Variants in PLD1 observed in about 807,000 individuals in gnomAD.
The protein encoded by PLD1 is choline phosphatase 1.
A neutral mutation model predicts 137.1 loss-of-function variants in PLD1; 112 were observed. That is an observed-to-expected ratio of 0.82 (90% CI 0.70 to 0.96). The LOEUF (loss-of-function observed/expected upper bound fraction) is 0.96, where lower values mean the gene tolerates loss of function less well. PLD1 is among the 40% of genes least tolerant of loss of function. The pLI is 0.00. For synonymous variants in PLD1, 431 were observed against 454.7 expected (o/e 0.95, Z 0.66); for missense variants, 1,321 against 1,342.0 (o/e 0.98, Z 0.24).
chr3:171,743,205 T>C (rs1449035129), intron 1 of PLD1, among the ~76,000 whole-genome samples: 1 of 152,222 alleles, frequency 6.6e-6, no homozygotes, highest in African/African-American at 2.4e-5. Context: ...AAAAATCATC[T>C]TGGTTGCTAG....
At chr3:171,742,352 A>G (rs897484235) in intron 1 of PLD1, among the ~76,000 whole-genome samples, 4 of 152,224 alleles carry the variant, frequency 2.6e-5, no homozygotes, top group African/African-American at 9.6e-5. Context: ...CAGCCTCCAG[A>G]GTAACTAAGA....
chr3:171,797,777 C>T (rs1269544632), intron 1 of PLD1, among the ~76,000 whole-genome samples: 3 of 152,106 alleles, frequency 2.0e-5, no homozygotes, highest in Non-Finnish European at 4.4e-5. Context: ...TTTCAAATTT[C>T]TCACTTGTTT....
chr3:171,765,549 G>A (rs971192920), intron 1 of PLD1: 3 of 152,128 alleles, frequency 2.0e-5, no homozygotes, highest in East Asian at 1.9e-4. Context: ...GTGTGAAAAC[G>A]AGCAGAATAT....
At chr3:171,687,213 C>T (rs916725102) in intron 15 of PLD1, among the ~76,000 whole-genome samples, 158 bp downstream of exon 15, 1 of 152,184 alleles carries the variant, frequency 6.6e-6, no homozygotes, top group Non-Finnish European at 1.5e-5. Flanking sequence ...ACAAAGCCAC[C>T]AAATGGCATG....
intron 25 of PLD1, among the ~76,000 whole-genome samples, chr3:171,608,654 A>G (rs1732402582): frequency 6.6e-6 from 1 of 152,182 alleles, no homozygotes; most frequent in African/African-American, 2.4e-5. Context: ...GGTGGACTGC[A>G]GATAAGAGAG....
At chr3:171,788,101 A>T (rs1723075683) in intron 1 of PLD1, among the ~76,000 whole-genome samples, 1 of 151,762 alleles carries the variant, frequency 6.6e-6, no homozygotes, top group African/African-American at 2.4e-5. Context: ...CAGCTGCTCC[A>T]GAGAATCACT....
At chr3:171,636,157 T>C (rs1164837494) in intron 23 of PLD1, among the ~76,000 whole-genome samples, 4 of 151,964 alleles carry the variant, frequency 2.6e-5, no homozygotes, top group Non-Finnish European at 5.9e-5. Flanking sequence ...AGTCTAACTT[T>C]ATGTCAGTAG....
rs549760462 is a variant in PLD1, at chr3:171,645,614, G to A, written c.2430-591C>T. Among the ~76,000 whole-genome samples the A allele has an allele frequency of 2.0e-5, 3 of 151,908 alleles. No homozygotes were observed. The East Asian group carries it at 5.8e-4, about 30-fold the overall frequency. On this transcript the variant is annotated intron_variant, in intron 21 of 26. Coordinates refer to ENST00000351298, the MANE Select transcript of PLD1 (RefSeq NM_002662.5). ...AATTCTGAGTGGCCGGCCGGGCGTGGTGGCTCATGTCTGTAATCCCAGCAC... is the reference window on the plus strand; with the variant it reads ...AATTCTGAGTGGCCGGCCGGGCGTGATGGCTCATGTCTGTAATCCCAGCAC...
intron 1 of PLD1, among the ~76,000 whole-genome samples, chr3:171,787,660 G>T (rs924272225): frequency 6.6e-6 from 1 of 152,114 alleles, no homozygotes; most frequent in African/African-American, 2.4e-5. Flanking sequence ...TCATGGTATG[G>T]TGTGGTATGT....
intron 24 of PLD1, among the ~76,000 whole-genome samples, chr3:171,613,965 C>CA (rs758647280): frequency 8.0e-4 from 122 of 152,180 alleles, no homozygotes; most frequent in Non-Finnish European, 1.5e-3. Context: ...GCAGAAGGGT[C>CA]AGGTTGAACA....
intron 23 of PLD1, among the ~76,000 whole-genome samples, chr3:171,629,588 C>CAT (rs1734476065): frequency 6.6e-6 from 1 of 152,114 alleles, no homozygotes; most frequent in Non-Finnish European, 1.5e-5. Flanking sequence ...AAGCTGGAGG[C>CAT]ATCATGCTAC....
chr3:171,644,946 C>A lies in PLD1; in HGVS notation c.2507G>T (p.Gly836Val). 6.2e-7 allele frequency: 1 copy of A among 1,613,730 alleles called. No individual in the cohort carries two copies. Among genetic ancestry groups the A allele is most frequent in the East Asian group, 2.2e-5 (1 of 44,882 alleles). ...GTGCATGATTGCCTGTAGAGCATTT[C>A]CTCCGCCGGTTGAAATGTCTCCTTC... ...GFEGDISTGG[G>V]NALQAIMHFN... Residue 836 changes from glycine to valine, a missense_variant, in exon 22 of 27, where the codon GGA (glycine) becomes GTA (valine). By Grantham distance (109) the Gly-to-Val change is moderately radical. Transcript: ENST00000351298.
intron 19 of PLD1, among the ~76,000 whole-genome samples, chr3:171,665,428 G>T (rs954120739): frequency 6.6e-6 from 1 of 152,160 alleles, no homozygotes; most frequent in Non-Finnish European, 1.5e-5. Context: ...GGCCAGGGGC[G>T]GTGGCTCACA....
In PLD1 at chr3:171,709,697, T is replaced by G; in HGVS notation, c.924A>C (p.Leu308Phe). Residue 308 changes from leucine to phenylalanine, a missense_variant, in exon 10 of 27, where the codon TTA (leucine) becomes TTC (phenylalanine). Physicochemically the swap from Leu to Phe is conservative, Grantham distance 22 (BLOSUM62 0). Transcript: ENST00000351298. Reference sequence around the variant, plus strand: ...GAGCATGTCTATAGCTGTTGCATTTTAAAATAAGTGTCCTTTAAAGAAAAA... The same window carrying G: ...GAGCATGTCTATAGCTGTTGCATTTGAAAATAAGTGTCCTTTAAAGAAAAA... ...RIDNLSRTLI[L>F]KCNSYRHARW... 6.2e-7 allele frequency: 1 copy of G among 1,612,160 alleles called. No homozygotes were observed. Among genetic ancestry groups the G allele is most frequent in the Non-Finnish European group, 8.5e-7 (1 of 1,179,454 alleles).
At position 171,709,702 on chromosome 3, in the gene PLD1, TAA is replaced by T; in HGVS notation, c.917_918del (p.Leu306HisfsTer8). On this transcript the variant is annotated frameshift_variant, in exon 10 of 27. Coordinates refer to ENST00000351298, the MANE Select transcript of PLD1 (RefSeq NM_002662.5). LOFTEE classifies it high-confidence loss of function. ...TGTCTATAGCTGTTGCATTTTAAAATAAGTGTCCTTTAAAGAAAAAGCCAAAT... is the reference window on the plus strand; with the variant it reads ...TGTCTATAGCTGTTGCATTTTAAAATGTGTCCTTTAAAGAAAAAGCCAAAT... ...GIRIDNLSRT[L>X]ILKCNSYRHA... 6.2e-7 allele frequency: 1 copy of T among 1,611,496 alleles called. No individual in the cohort carries two copies. The highest frequency in any genetic ancestry group is 8.5e-7 in the Non-Finnish European group (1 of 1,179,270).
intron 1 of PLD1, among the ~76,000 whole-genome samples, chr3:171,762,051 C>T (rs1426009194): frequency 2.6e-5 from 4 of 152,196 alleles, no homozygotes; most frequent in African/African-American, 7.2e-5. Context: ...ATCATTCAAC[C>T]ATATGTAAAA....
At chr3:171,660,475 G>T (rs887814083) in intron 20 of PLD1, among the ~76,000 whole-genome samples, 1 of 152,190 alleles carries the variant, frequency 6.6e-6, no homozygotes, top group East Asian at 1.9e-4. Context: ...TCGGATGAAT[G>T]CTGACTGCTT....
In PLD1 at chr3:171,601,645, T is replaced by C. The variant is rs1040395702; in HGVS notation, c.*1433A>G. ...TGTGCTCCTGTTTAATTTTTCCAAC[T>C]GAAGTATTAGCTTTATGAAAACAGG... is the stretch of plus-strand genomic sequence containing the variant. On this transcript the variant is annotated 3_prime_UTR_variant, in exon 27 of 27. Transcript: ENST00000351298. 3 of 152,198 alleles carry C rather than the reference T, an allele frequency of 2.0e-5. No homozygotes were observed. The highest frequency in any genetic ancestry group is 7.2e-5 in the African/African-American group (3 of 41,420). The allele number at this position is 152,198 out of a possible 1,614,324, so 9.4% of individuals were successfully genotyped here. A position where few individuals can be genotyped will look rare whatever the true frequency, so the allele number is the denominator to read the frequency against.
chr3:171,772,842 C>CA (rs1560296114), intron 1 of PLD1, among the ~76,000 whole-genome samples: 3 of 151,938 alleles, frequency 2.0e-5, no homozygotes. Flanking sequence ...AATGCTCATG[C>CA]AAAAAAAGTA....
Sources: allele counts gnomAD v4.1 joint callset (sites outside exome capture counted in the v4.1 genomes callset), GRCh38; gene constraint gnomAD v4.1.1; transcripts MANE v1.5; gene names NCBI Gene and HGNC (gene_info 2026-07-23, HGNC 2026-07-21).